MTSS1: variants seen among roughly 807,000 people sequenced by gnomAD.
MTSS1 encodes MTSS I-BAR domain containing 1.
A neutral mutation model predicts 79.0 loss-of-function variants in MTSS1; 18 were observed. That is an observed-to-expected ratio of 0.23 (90% CI 0.16 to 0.34). MTSS1 has a LOEUF of 0.34. Ranked by LOEUF, MTSS1 falls within the 10% of genes least tolerant of loss-of-function variation. MTSS1 has a pLI of 1.00. For synonymous variants in MTSS1, 341 were observed against 368.6 expected, an observed-to-expected ratio of 0.93 and a Z score of 0.86; for missense variants, 815 against 986.2, an observed-to-expected ratio of 0.83 and a Z score of 2.33.
rs565545603 is a variant in MTSS1 at position 124,691,579 on chromosome 8, G to A, written c.208+7947C>T. ...TGCCCAGGCTGGAGTACAATGGTAC[G>A]ATCTTGGTTCACTGCAACCTCCGCC... On this transcript the variant is annotated intron_variant, in intron 3 of 13. Transcript: ENST00000518547. Among the ~76,000 whole-genome samples the A allele has an allele frequency of 5.9e-5, 9 of 152,104 alleles. No individual in the cohort carries two copies. The South Asian group carries it at 1.9e-3, about 32-fold the overall frequency.
chr8:124,634,302 TGTAG>T (rs1816604031), intron 3 of MTSS1, among the ~76,000 whole-genome samples: 4 of 151,466 alleles, frequency 2.6e-5, no homozygotes, highest in African/African-American at 9.7e-5. Flanking sequence ...GTTGTTGTTT[TGTAG>T]TTTTTTTTAT....
At chr8:124,707,753 G>A (rs945525179) in intron 1 of MTSS1, among the ~76,000 whole-genome samples, 1 of 152,052 alleles carries the variant, frequency 6.6e-6, no homozygotes, top group African/African-American at 2.4e-5. Context: ...GCACATGCCT[G>A]TAGTCCTAGC....
intron 6 of MTSS1, chr8:124,580,268 G>A: frequency 2.6e-6 from 1 of 390,456 alleles, no homozygotes; most frequent in Non-Finnish European, 4.7e-6. Flanking sequence ...AAGTCACTCT[G>A]TATTTCTTTT....
rs758854509 is a variant in MTSS1 at position 124,556,422 on chromosome 8, C to T, written c.1231-17G>A. 8 of 1,592,006 alleles carry T rather than the reference C, an allele frequency of 5.0e-6. No homozygotes were observed. The highest frequency in any genetic ancestry group is 4.5e-5 in the East Asian group (2 of 44,696). On this transcript the variant is annotated splice_polypyrimidine_tract_variant and intron_variant, in intron 11 of 13. Transcript: ENST00000518547. ...AGCCCAGTCCTATGCAAAACAAGTG[C>T]GGTCAGGAGCCAGGGCCTCTGCCTC...
intron 3 of MTSS1, among the ~76,000 whole-genome samples, chr8:124,664,153 C>A (rs1159189175): frequency 6.6e-6 from 1 of 152,220 alleles, no homozygotes; most frequent in East Asian, 1.9e-4. Flanking sequence ...GGGCTACCCC[C>A]TCTCCAGTCC....
At chr8:124,676,015 C>A (rs983253360) in intron 3 of MTSS1, among the ~76,000 whole-genome samples, 9 of 152,142 alleles carry the variant, frequency 5.9e-5, no homozygotes, top group African/African-American at 2.2e-4. Flanking sequence ...GTGAGGTAGA[C>A]CCTGGTCATA....
chr8:124,681,565 A>G (rs530432875), intron 3 of MTSS1, among the ~76,000 whole-genome samples: 3 of 152,338 alleles, frequency 2.0e-5, no homozygotes, highest in Non-Finnish European at 2.9e-5. Flanking sequence ...AGGCGGGTGC[A>G]TAACTTGAGG....
chr8:124,721,458 G>A (rs1281971841), intron 1 of MTSS1, among the ~76,000 whole-genome samples: 2 of 142,878 alleles, frequency 1.4e-5, no homozygotes, highest in Non-Finnish European at 3.0e-5. Context: ...TCGCCAGGCT[G>A]GAGTGCAGTG....
chr8:124,720,606 A>C (rs1832766978), intron 1 of MTSS1, among the ~76,000 whole-genome samples: 1 of 152,236 alleles, frequency 6.6e-6, no homozygotes, highest in Non-Finnish European at 1.5e-5. Context: ...CTGCTGGGCC[A>C]GCTGACCTTT....
chr8:124,698,417 G>A, intron 3 of MTSS1, among the ~76,000 whole-genome samples: 1 of 151,984 alleles, frequency 6.6e-6, no homozygotes, highest in East Asian at 1.9e-4. Flanking sequence ...GCAGAAGAGA[G>A]TAGCTGCATT....
At chr8:124,587,850 C>T (rs1390228970) in intron 5 of MTSS1, among the ~76,000 whole-genome samples, 2 of 152,140 alleles carry the variant, frequency 1.3e-5, no homozygotes, top group Admixed American at 6.5e-5. Context: ...GGCTATTGTA[C>T]CCATACTTCT....
At chr8:124,602,918 T>A (rs1212434027) in intron 3 of MTSS1, among the ~76,000 whole-genome samples, 2 of 152,186 alleles carry the variant, frequency 1.3e-5, no homozygotes, top group African/African-American at 4.8e-5. Flanking sequence ...AGAGTGGGCA[T>A]CTCCTGTAAT....
At chr8:124,627,147 C>T (rs1814851127) in intron 3 of MTSS1, among the ~76,000 whole-genome samples, 1 of 152,058 alleles carries the variant, frequency 6.6e-6, no homozygotes, top group South Asian at 2.1e-4. Flanking sequence ...TGCTTATCCT[C>T]CCCTGCAACC....
At chr8:124,630,626 G>C (rs1815738372) in intron 3 of MTSS1, among the ~76,000 whole-genome samples, 1 of 152,120 alleles carries the variant, frequency 6.6e-6, no homozygotes, top group South Asian at 2.1e-4. Context: ...AAACATCCGG[G>C]TACCAGCCCC....
chr8:124,553,971 G>T lies in MTSS1; in HGVS notation c.1568-279C>A, dbSNP rs1397190204. 2.0e-5 allele frequency among the ~76,000 whole-genome samples: 3 copies of T among 152,204 alleles called. No homozygotes were observed. Among genetic ancestry groups the T allele is most frequent in the Non-Finnish European group, 4.4e-5 (3 of 68,034 alleles). The stretch of plus-strand genomic sequence containing the variant: ...ATGGGGAAGAAGGTAAAGCTGCTAG[G>T]CTGCAGCGAAGCTACCTGCAAGCGT... On this transcript the variant is annotated intron_variant, in intron 13 of 13. Transcript: ENST00000518547. The surrounding 1 kb of genome is among the most constrained non-coding windows in gnomAD (Gnocchi z 6.0).
At chr8:124,631,273 C>T (rs992409079) in intron 3 of MTSS1, among the ~76,000 whole-genome samples, 2 of 152,220 alleles carry the variant, frequency 1.3e-5, no homozygotes, top group Non-Finnish European at 2.9e-5. Flanking sequence ...AGACAAAGGT[C>T]ACTACCTTGA....
In MTSS1 at chr8:124,584,341, A is replaced by G. The variant is rs559836950; in HGVS notation, c.460+746T>C. Among the ~76,000 whole-genome samples the G allele has an allele frequency of 8.5e-5, 13 of 152,374 alleles. No individual in the cohort carries two copies. The South Asian group carries it at 2.5e-3, about 29-fold the overall frequency. Reference sequence around the variant, plus strand: ...CAGCAGATTCAGAAACTTGGTGTCAAAGAAGAATAGACTGGAAGGAATGTC... The same window carrying G: ...CAGCAGATTCAGAAACTTGGTGTCAGAGAAGAATAGACTGGAAGGAATGTC... On this transcript the variant is annotated intron_variant, in intron 6 of 13. Transcript: ENST00000518547.
chr8:124,650,748 T>C (rs940510341), intron 3 of MTSS1, among the ~76,000 whole-genome samples: 3 of 152,192 alleles, frequency 2.0e-5, no homozygotes, highest in Non-Finnish European at 4.4e-5. Flanking sequence ...AATGATGGTA[T>C]GGCTTGGCAA....
chr8:124,668,445 A>C (rs1295993666), intron 3 of MTSS1, among the ~76,000 whole-genome samples: 1 of 151,404 alleles, frequency 6.6e-6, no homozygotes, highest in Non-Finnish European at 1.5e-5. Flanking sequence ...CCGTTTGAAA[A>C]CCCGCCTTTC....
Sources: allele counts gnomAD v4.1 joint callset (sites outside exome capture counted in the v4.1 genomes callset), GRCh38; gene constraint gnomAD v4.1.1; non-coding constraint Gnocchi (gnomAD v3.1); transcripts MANE v1.5; gene names NCBI Gene and HGNC (gene_info 2026-07-23, HGNC 2026-07-21).